Variants in PSG6 observed in about 807,000 individuals in gnomAD.
PSG6 encodes pregnancy-specific beta-1-glycoprotein 6.
PSG6 carries 51 observed loss-of-function variants against 43.3 expected under a neutral mutation model. The ratio of observed to expected loss-of-function variants is 1.18; its 90% confidence interval spans 0.94 to 1.49. The LOEUF (loss-of-function observed/expected upper bound fraction) is 1.49. Ranked by LOEUF, PSG6 falls within the 40% of genes most tolerant of loss-of-function variation. PSG6 has a pLI of 0.00. For synonymous variants in PSG6, 292 were observed against 197.6 expected, an observed-to-expected ratio of 1.48 and a Z score of -4.01; for missense variants, 770 against 522.2, an observed-to-expected ratio of 1.47 and a Z score of -4.62.
intron 5 of PSG6, among the ~76,000 whole-genome samples, chr19:42,904,091 C>T (rs927088881): frequency 1.3e-5 from 2 of 151,520 alleles, no homozygotes; most frequent in Non-Finnish European, 2.9e-5. Flanking sequence ...TCAATAAAAG[C>T]ATTTGATGAA....
rs547160601 is a variant in PSG6 at position 42,908,931 on chromosome 19, G to A, written c.707-1077C>T. 1.3e-3 allele frequency among the ~76,000 whole-genome samples: 199 copies of A among 151,746 alleles called. 1 individual carries two copies. Among genetic ancestry groups the A allele is most frequent in the African/African-American group, 4.5e-3 (187 of 41,392 alleles). ...AGAATCAGAAGTTGTTCATGGGTGTGCAGTTTCAGTTATACAAGTTGGAGA... is the reference window on the plus strand; with the variant it reads ...AGAATCAGAAGTTGTTCATGGGTGTACAGTTTCAGTTATACAAGTTGGAGA... On this transcript the variant is annotated intron_variant, in intron 3 of 5. Transcript: ENST00000187910.
chr19:42,911,372 G>T (rs1483651024), intron 2 of PSG6, among the ~76,000 whole-genome samples: 2 of 151,648 alleles, frequency 1.3e-5, no homozygotes, highest in South Asian at 2.1e-4. Context: ...TACTTCAGCA[G>T]AAATAACACA....
Position 42,916,243 on chromosome 19 carries a change from A to G in PSG6, c.309T>C (p.Asn103=), listed in dbSNP as rs1225552021. The G allele has an allele frequency of 5.6e-6, 9 of 1,612,138 alleles. No homozygotes were observed. The highest frequency in any genetic ancestry group is 4.0e-5 in the African/African-American group (3 of 74,722). The change falls in exon 2 of 6, where the codon AAT becomes AAC. Residue 103 remains asparagine, a synonymous_variant. Coordinates refer to ENST00000187910, the MANE Select transcript of PSG6 (RefSeq NM_001031850.4). The part of the protein sequence containing the change: ...AYSGRETVYS[N]ASLLIQNVTQ... ...TGACATTCTGGATCAGCAGGGATGCATTGGAATATACTGTTTCTCGTCCAC... is the reference window on the plus strand; with the variant it reads ...TGACATTCTGGATCAGCAGGGATGCGTTGGAATATACTGTTTCTCGTCCAC...
At chr19:42,915,919 G>A (rs10421758) in intron 2 of PSG6, 3 of 689,916 alleles carry the variant, frequency 4.3e-6, no homozygotes, top group Non-Finnish European at 6.5e-6. Flanking sequence ...TGCAGCGAGT[G>A]TCTGCAGGGT....
chr19:42,907,975 G>A lies in PSG6; in HGVS notation c.707-121C>T, dbSNP rs1166462511. ...ATGAGTCCTTGAAAGCCAGTAGCTGGTGCATGTGTCACAAGACAGATGTAT... is the reference window on the plus strand; with the variant it reads ...ATGAGTCCTTGAAAGCCAGTAGCTGATGCATGTGTCACAAGACAGATGTAT... On this transcript the variant is annotated intron_variant, in intron 3 of 5. Transcript: ENST00000187910. The A allele has an allele frequency of 7.1e-6, 10 of 1,411,256 alleles. No individual in the cohort carries two copies. The East Asian group carries it at 1.6e-4, about 23-fold the overall frequency. The allele number at this position is 1,411,256 out of a possible 1,614,324, so 87.4% of individuals were successfully genotyped here. A position where few individuals can be genotyped will look rare whatever the true frequency, so the allele number is the denominator to read the frequency against.
chr19:42,902,856 C>A (rs1399894037), intron 5 of PSG6, among the ~76,000 whole-genome samples: 2 of 151,486 alleles, frequency 1.3e-5, no homozygotes, highest in African/African-American at 4.9e-5. Flanking sequence ...TTCTTTCTCT[C>A]CCACAATTAG....
At chr19:42,915,008 TCTCA>T (rs1014028811) in intron 2 of PSG6, among the ~76,000 whole-genome samples, 3 of 151,602 alleles carry the variant, frequency 2.0e-5, no homozygotes, top group African/African-American at 7.3e-5. Context: ...GACCATTTGC[TCTCA>T]CTCCTCTGAG....
rs73035293 is a variant in PSG6, at chr19:42,916,242, C to T, written c.310G>A (p.Ala104Thr). ...YSGRETVYSN[A>T]SLLIQNVTQE... ...GTGACATTCTGGATCAGCAGGGATG[C>T]ATTGGAATATACTGTTTCTCGTCCA... Residue 104 changes from alanine (A) to threonine (T), a missense_variant, in exon 2 of 6, where the codon GCA becomes ACA. By Grantham distance (58) the Ala-to-Thr change is moderately conservative. Coordinates refer to ENST00000187910, the MANE Select transcript of PSG6 (RefSeq NM_001031850.4). 4.3e-6 allele frequency: 7 copies of T among 1,612,206 alleles called. No individual in the cohort carries two copies. Among genetic ancestry groups the T allele is most frequent in the East Asian group, 4.5e-5 (2 of 44,792 alleles).
intron 2 of PSG6, among the ~76,000 whole-genome samples, chr19:42,911,510 C>G (rs1972225223): frequency 6.6e-6 from 1 of 151,502 alleles, no homozygotes; most frequent in Admixed American, 6.6e-5. Context: ...GAGCAGAGTC[C>G]AAGGAATGAC....
intron 2 of PSG6, among the ~76,000 whole-genome samples, chr19:42,912,516 T>C (rs774670594): frequency 5.3e-5 from 8 of 151,834 alleles, no homozygotes; most frequent in Admixed American, 1.3e-4. Context: ...GAGAGAGTCC[T>C]GTTAAAAGGA....
At chr19:42,908,503 C>A (rs1186502096) in intron 3 of PSG6, among the ~76,000 whole-genome samples, 1 of 151,696 alleles carries the variant, frequency 6.6e-6, no homozygotes, top group Non-Finnish European at 1.5e-5. Flanking sequence ...AAAGATAGAG[C>A]AGAGTGCAAG....
In PSG6 at chr19:42,911,496, G is replaced by T. The variant is rs571057717; in HGVS notation, c.428-638C>A. On this transcript the variant is annotated intron_variant, in intron 2 of 5. Transcript: ENST00000187910. ...ACTGAGTTGAGCCAATGACTCTAAA[G>T]ATAGAGCAGAGTCCAAGGAATGACC... 2.4e-4 allele frequency among the ~76,000 whole-genome samples: 37 copies of T among 151,690 alleles called. 1 individual carries two copies. The highest frequency in any genetic ancestry group is 8.9e-4 in the African/African-American group (37 of 41,362).
At chr19:42,902,887 T>A (rs571021443) in intron 5 of PSG6, among the ~76,000 whole-genome samples, 25 of 151,706 alleles carry the variant, frequency 1.6e-4, no homozygotes, top group Non-Finnish European at 2.8e-4. Context: ...TGTCCTAGTG[T>A]TTTATGTGTT....
rs777097159 is a variant in PSG6 at position 42,902,451 on chromosome 19, T to C, written c.1241-5A>G. The C allele has an allele frequency of 2.5e-6, 4 of 1,610,990 alleles. No individual in the cohort carries two copies. Among genetic ancestry groups the C allele is most frequent in the East Asian group, 2.2e-5 (1 of 44,764 alleles). On this transcript the variant is annotated splice_region_variant and splice_polypyrimidine_tract_variant and intron_variant, in intron 5 of 5. Coordinates refer to ENST00000187910, the MANE Select transcript of PSG6 (RefSeq NM_001031850.4). Reference sequence around the variant, plus strand: ...TCTGGTTTCCATGGCAGGGACCTGATTGACAGAAGGCCCAGGTCAGCGCAT... The same window carrying C: ...TCTGGTTTCCATGGCAGGGACCTGACTGACAGAAGGCCCAGGTCAGCGCAT...
In PSG6 at chr19:42,916,216, T is replaced by C. The variant is rs73553510; in HGVS notation, c.336A>G (p.Thr112=). ...AGGTGTAGGATCCTGCATCCTCCTG[T>C]GTGACATTCTGGATCAGCAGGGATG... ...SNASLLIQNV[T]QEDAGSYTLH... is the part of the protein sequence containing the mutation. Residue 112 remains threonine, a synonymous_variant, in exon 2 of 6, where the codon ACA becomes ACG. Transcript: ENST00000187910. 8,693 of 1,612,186 alleles carry C rather than the reference T, an allele frequency of 5.4e-3. 540 individuals are homozygous for C. In the African/African-American group the frequency reaches 0.098, roughly 18 times the overall value.
At position 42,907,932 on chromosome 19, in the gene PSG6, T is replaced by A. The variant is rs756881084; in HGVS notation, c.707-78A>T. The stretch of plus-strand genomic sequence containing the variant: ...GCATCCTTCATTCAGAGTTGGCATC[T>A]CCCACCTGTCAACCCACATGAGTCC... On this transcript the variant is annotated intron_variant, in intron 3 of 5. Coordinates refer to ENST00000187910, the MANE Select transcript of PSG6 (RefSeq NM_001031850.4). 1.9e-6 allele frequency: 3 copies of A among 1,563,226 alleles called. No individual in the cohort carries two copies. In the East Asian group the frequency reaches 6.7e-5, roughly 35 times the overall value.
intron 2 of PSG6, among the ~76,000 whole-genome samples, chr19:42,911,712 A>G (rs1407336613): frequency 2.0e-5 from 3 of 151,806 alleles, no homozygotes; most frequent in Non-Finnish European, 4.4e-5. Context: ...AACAGATGAC[A>G]GAAGTCTGGC....
rs563741242 is a variant in PSG6, at chr19:42,907,438, G to A, written c.985+138C>T. The A allele has an allele frequency of 4.2e-5, 64 of 1,514,404 alleles. No homozygotes were observed. The African/African-American group carries it at 6.8e-4, about 16-fold the overall frequency. 93.8% of individuals were successfully genotyped at this position (1,514,404 alleles called of 1,614,324 possible). A position where few individuals can be genotyped will look rare whatever the true frequency, so the allele number is the denominator to read the frequency against. On this transcript the variant is annotated intron_variant, in intron 4 of 5. Coordinates refer to ENST00000187910, the MANE Select transcript of PSG6 (RefSeq NM_001031850.4). ...CTGTGCCTACCCAGGATTTCCCAGG[G>A]CAGGGAGTCATGGCCAGGTCTGATG...
intron 1 of PSG6, among the ~76,000 whole-genome samples, chr19:42,916,829 C>T (rs1041451919): frequency 6.6e-6 from 1 of 151,422 alleles, no homozygotes; most frequent in African/African-American, 2.4e-5. Flanking sequence ...AGACTTCTTT[C>T]CTGATGCCTG....
Sources: gnomAD v4.1 joint callset for allele counts (sites outside exome capture counted in the v4.1 genomes callset) on GRCh38, gnomAD v4.1.1 for gene constraint, MANE v1.5 for transcripts, NCBI Gene and HGNC (gene_info 2026-07-23, HGNC 2026-07-21) for gene names.